The following BNC2 variants were observed in gnomAD, a reference collection of about 807,000 sequenced individuals.
BNC2 encodes basonuclin zinc finger protein 2.
Under a neutral mutation model 76.3 loss-of-function variants are expected in BNC2, and 20 were observed. That is an observed-to-expected ratio of 0.26 (90% CI 0.18 to 0.38). BNC2 has a LOEUF of 0.38. Ranked by LOEUF, BNC2 falls within the 10% of genes least tolerant of loss-of-function variation. The probability of loss-of-function intolerance (pLI) is 1.00; values close to 1 mark genes in which losing one functional copy is unlikely to be tolerated. For synonymous variants in BNC2, 582 were observed against 514.8 expected (o/e 1.13, Z -1.77); for missense variants, 1,382 against 1,399.8 (o/e 0.99, Z 0.20).
chr9:16,752,115 T>G (rs903589021), intron 1 of BNC2, among the ~76,000 whole-genome samples: 2 of 152,182 alleles, frequency 1.3e-5, no homozygotes, highest in Admixed American at 1.3e-4. Flanking sequence ...TTCTAATAAT[T>G]TCTTTTAAGA....
chr9:16,471,301 T>TA (rs893651371), intron 5 of BNC2, among the ~76,000 whole-genome samples: 1 of 151,768 alleles, frequency 6.6e-6, no homozygotes, highest in Admixed American at 6.6e-5. Flanking sequence ...GATTTTTTTT[T>TA]TTTTTTTTTT....
At chr9:16,861,205 T>TATATATATATATATATATATATA (rs1241413014) in intron 1 of BNC2, among the ~76,000 whole-genome samples, 14 of 141,550 alleles carry the variant, frequency 9.9e-5, no homozygotes, top group East Asian at 2.1e-4. Flanking sequence ...TATATATAAA[T>TATATATATATATATATATATATA]TAACCAGGCA....
At chr9:16,690,774 G>A (rs967152800) in intron 3 of BNC2, among the ~76,000 whole-genome samples, 1 of 152,166 alleles carries the variant, frequency 6.6e-6, no homozygotes, top group Non-Finnish European at 1.5e-5. Context: ...TAAGATAAAA[G>A]AAAATGGAAA....
At position 16,822,791 on chromosome 9, in the gene BNC2, T is replaced by C. The variant is rs10124937; in HGVS notation, c.3+47855A>G. Among the ~76,000 whole-genome samples, 589 of 152,352 alleles carry C rather than the reference T, an allele frequency of 3.9e-3. 3 individuals are homozygous for C. The highest frequency in any genetic ancestry group is 0.013 in the African/African-American group (559 of 41,594). On this transcript the variant is annotated intron_variant, in intron 1 of 6. Coordinates refer to ENST00000380672, the MANE Select transcript of BNC2 (RefSeq NM_017637.6). ...AACTATTGTAGTTCAGAAATTATTA[T>C]AGTCAACTATGTGGAACACTAAAAT...
In BNC2 at chr9:16,787,261, T is replaced by A. The variant is rs1003021711; in HGVS notation, c.4-48776A>T. Among the ~76,000 whole-genome samples the A allele has an allele frequency of 2.0e-5, 3 of 152,200 alleles. No homozygotes were observed. In the East Asian group the frequency reaches 5.8e-4, roughly 29 times the overall value. On this transcript the variant is annotated intron_variant, in intron 1 of 6. Coordinates refer to ENST00000380672, the MANE Select transcript of BNC2 (RefSeq NM_017637.6). The stretch of plus-strand genomic sequence containing the variant: ...TCCCTCCATCCACCATCACCTGTGA[T>A]CTTGAGTCAGTCATCTCAGAGCCCT...
intron 1 of BNC2, among the ~76,000 whole-genome samples, chr9:16,829,564 C>G (rs1818533326): frequency 6.6e-6 from 1 of 152,032 alleles, no homozygotes; most frequent in Non-Finnish European, 1.5e-5. Context: ...ACGATATAGG[C>G]CAAAACACAT....
chr9:16,606,960 T>C (rs1021008311), intron 3 of BNC2, among the ~76,000 whole-genome samples: 3 of 151,476 alleles, frequency 2.0e-5, no homozygotes, highest in Non-Finnish European at 4.4e-5. Flanking sequence ...GACTAACACA[T>C]TTATTGAGGC....
intron 3 of BNC2, among the ~76,000 whole-genome samples, chr9:16,700,437 G>T (rs977901170): frequency 6.6e-6 from 1 of 152,066 alleles, no homozygotes; most frequent in Non-Finnish European, 1.5e-5. Flanking sequence ...CGTGAGCCCA[G>T]GAATTGGAGG....
chr9:16,435,298 G>T (rs538095990), intron 6 of BNC2, among the ~76,000 whole-genome samples: 1 of 152,082 alleles, frequency 6.6e-6, no homozygotes, highest in African/African-American at 2.4e-5. Context: ...ATACACACAC[G>T]TATACACAGA....
chr9:16,565,481 C>A (rs928459146), intron 4 of BNC2, among the ~76,000 whole-genome samples: 1 of 152,092 alleles, frequency 6.6e-6, no homozygotes, highest in Non-Finnish European at 1.5e-5. Flanking sequence ...TTTGGGCCCA[C>A]TTGAAGTTAA....
chr9:16,736,473 T>C (rs1824672738), intron 2 of BNC2, among the ~76,000 whole-genome samples: 1 of 150,854 alleles, frequency 6.6e-6, no homozygotes. Flanking sequence ...ATTATTATGA[T>C]TATTTCTTTT....
intron 4 of BNC2, among the ~76,000 whole-genome samples, chr9:16,559,065 C>T (rs1441825774): frequency 6.6e-6 from 1 of 152,072 alleles, no homozygotes; most frequent in Non-Finnish European, 1.5e-5. Flanking sequence ...AATTTCACAT[C>T]TTATACGGAT....
At chr9:16,602,935 T>C (rs1215894480) in intron 3 of BNC2, among the ~76,000 whole-genome samples, 1 of 152,198 alleles carries the variant, frequency 6.6e-6, no homozygotes, top group African/African-American at 2.4e-5. Flanking sequence ...AACTAAATAC[T>C]TTAGAAATAG....
In BNC2 at chr9:16,805,736, C is replaced by CACACAT. The variant is rs1554738684; in HGVS notation, c.3+64909_3+64910insATGTGT. ...ATGCACACACACACACACACACACACGCAAACACAGTGTCCCTTCTGAATT... is the reference window on the plus strand; with the variant it reads ...ATGCACACACACACACACACACACACACACATGCAAACACAGTGTCCCTTCTGAATT... On this transcript the variant is annotated intron_variant, in intron 1 of 6. Coordinates refer to ENST00000380672, the MANE Select transcript of BNC2 (RefSeq NM_017637.6). 8.6e-5 allele frequency among the ~76,000 whole-genome samples: 13 copies of CACACAT among 151,908 alleles called. No homozygotes were observed. The South Asian group carries it at 1.7e-3, about 19-fold the overall frequency.
At chr9:16,563,695 G>A (rs1468711771) in intron 4 of BNC2, among the ~76,000 whole-genome samples, 1 of 152,172 alleles carries the variant, frequency 6.6e-6, no homozygotes, top group Non-Finnish European at 1.5e-5. Flanking sequence ...GTGAACAGAT[G>A]TCTCAGCAGT....
intron 3 of BNC2, among the ~76,000 whole-genome samples, chr9:16,694,483 C>T (rs1374404709): frequency 1.3e-5 from 2 of 152,116 alleles, no homozygotes; most frequent in East Asian, 1.9e-4. Flanking sequence ...CACCTTGGCC[C>T]ATTTGACATG....
At chr9:16,624,859 G>C (rs143150343) in intron 3 of BNC2, among the ~76,000 whole-genome samples, 1 of 152,314 alleles carries the variant, frequency 6.6e-6, no homozygotes, top group East Asian at 1.9e-4. Context: ...ACACATGATA[G>C]TTTTTCAAGG....
intron 5 of BNC2, among the ~76,000 whole-genome samples, chr9:16,544,553 C>A (rs1278840787): frequency 1.3e-5 from 2 of 152,080 alleles, no homozygotes; most frequent in Non-Finnish European, 2.9e-5. Flanking sequence ...TGCAGTGGCT[C>A]ATGCCTGTAA....
In BNC2 at chr9:16,718,790, T is replaced by C. The variant is rs570812293; in HGVS notation, c.330+9007A>G. Among the ~76,000 whole-genome samples, 25 of 152,324 alleles carry C rather than the reference T, an allele frequency of 1.6e-4. No individual in the cohort carries two copies. The East Asian group carries it at 4.8e-3, about 29-fold the overall frequency. ...TGGGGAAAGCCACCCACAGGCTCAC[T>C]GCCTCTGAGGAAGTCATTAGCAAAT... On this transcript the variant is annotated intron_variant, in intron 3 of 6. Transcript: ENST00000380672.
Sources: gnomAD v4.1 joint callset for allele counts (sites outside exome capture counted in the v4.1 genomes callset) on GRCh38, gnomAD v4.1.1 for gene constraint, MANE v1.5 for transcripts, NCBI Gene and HGNC (gene_info 2026-07-23, HGNC 2026-07-21) for gene names.